The following NTNG1 variants were observed in gnomAD, a reference collection of about 807,000 sequenced individuals.
NTNG1 encodes netrin G1, also known as netrin-G1.
Under a neutral mutation model 54.0 loss-of-function variants are expected in NTNG1, and 16 were observed. The observed-to-expected ratio is 0.30, with a 90% CI of 0.20 to 0.45. NTNG1 has a LOEUF of 0.45. NTNG1 is among the 20% of genes least tolerant of loss of function. NTNG1 has a pLI of 1.00. For synonymous variants in NTNG1, 255 were observed against 263.1 expected (o/e 0.97, Z 0.30); for missense variants, 530 against 678.7 (o/e 0.78, Z 2.43).
chr1:107,466,806 C>T (rs1324436931), intron 7 of NTNG1, among the ~76,000 whole-genome samples: 1 of 152,122 alleles, frequency 6.6e-6, no homozygotes, highest in Non-Finnish European at 1.5e-5. Context: ...CATTTTTTGC[C>T]AGACTCTGAT....
At chr1:107,316,110 AATT>A (rs1381233340) in intron 2 of NTNG1, among the ~76,000 whole-genome samples, 3 of 152,148 alleles carry the variant, frequency 2.0e-5, no homozygotes, top group Non-Finnish European at 4.4e-5. Flanking sequence ...CAGAACCAAA[AATT>A]TAGAATTTCT....
intron 2 of NTNG1, among the ~76,000 whole-genome samples, chr1:107,298,833 A>G (rs4297325): frequency 0.99 from 150,344 of 152,286 alleles, 74,238 homozygotes; most frequent in Middle Eastern, 1. Context: ...AGGAATATGA[A>G]TTGTGATTCT....
intron 3 of NTNG1, among the ~76,000 whole-genome samples, chr1:107,327,417 A>C (rs780518715): frequency 2.0e-5 from 3 of 152,148 alleles, no homozygotes; most frequent in Non-Finnish European, 2.9e-5. Context: ...AGCTGATCTA[A>C]TTATTTTACT....
At chr1:107,219,521 G>A (rs1660202677) in intron 2 of NTNG1, among the ~76,000 whole-genome samples, 1 of 152,108 alleles carries the variant, frequency 6.6e-6, no homozygotes, top group African/African-American at 2.4e-5. Context: ...ATTGTTTTTG[G>A]TCCTTCTCAC....
intron 7 of NTNG1, among the ~76,000 whole-genome samples, chr1:107,463,454 C>T (rs1284584084): frequency 2.0e-5 from 3 of 151,278 alleles, no homozygotes; most frequent in African/African-American, 7.3e-5. Context: ...TCTTTACTGG[C>T]TGAATTGTCA....
chr1:107,327,537 GT>G (rs1668034256), intron 3 of NTNG1, among the ~76,000 whole-genome samples: 1 of 152,128 alleles, frequency 6.6e-6, no homozygotes. Flanking sequence ...AAGTTCTAAA[GT>G]TTCCCTTTCA....
intron 2 of NTNG1, among the ~76,000 whole-genome samples, chr1:107,160,100 A>C (rs1261646737): frequency 1.3e-5 from 2 of 152,172 alleles, no homozygotes; most frequent in Non-Finnish European, 2.9e-5. Flanking sequence ...CAGTATCAAT[A>C]ACAACTGTTA....
At chr1:107,417,426 A>G (rs1674290698) in intron 5 of NTNG1, among the ~76,000 whole-genome samples, 1 of 152,100 alleles carries the variant, frequency 6.6e-6, no homozygotes, top group African/African-American at 2.4e-5. Flanking sequence ...AAACAACATG[A>G]TAATACCTGT....
chr1:107,232,918 CTTTAT>C (rs1661168240), intron 2 of NTNG1, among the ~76,000 whole-genome samples: 1 of 152,162 alleles, frequency 6.6e-6, no homozygotes, highest in Admixed American at 6.5e-5. Flanking sequence ...AAATATTGGA[CTTTAT>C]TTTATTTAGG....
Position 107,187,681 on chromosome 1 carries a change from T to G in NTNG1, c.246+38842T>G, listed in dbSNP as rs148751264. On this transcript the variant is annotated intron_variant, in intron 2 of 7. Transcript: ENST00000370068. ...AAAGGACAACGAAGAGTTAACTCTG[T>G]ATCTGAGATACTAAATATCGCTACA... is the stretch of plus-strand genomic sequence containing the variant. Among the ~76,000 whole-genome samples the G allele has an allele frequency of 1.9e-3, 287 of 152,282 alleles. 2 individuals are homozygous for G. The highest frequency in any genetic ancestry group is 6.7e-3 in the African/African-American group (277 of 41,568).
intron 7 of NTNG1, among the ~76,000 whole-genome samples, chr1:107,440,026 A>G (rs1570966156): frequency 6.6e-6 from 1 of 151,754 alleles, no homozygotes; most frequent in East Asian, 1.9e-4. Flanking sequence ...CCACAGTATT[A>G]GTAGAAGAGC....
At chr1:107,411,037 AT>A (rs1673765113) in intron 5 of NTNG1, among the ~76,000 whole-genome samples, 1 of 152,136 alleles carries the variant, frequency 6.6e-6, no homozygotes, top group African/African-American at 2.4e-5. Context: ...AATAAATAGA[AT>A]TTTTTAAATA....
chr1:107,236,463 T>A, intron 2 of NTNG1, among the ~76,000 whole-genome samples: 1 of 152,032 alleles, frequency 6.6e-6, no homozygotes, highest in East Asian at 1.9e-4. Context: ...AGAGGCAAAG[T>A]GAAGTATACA....
At chr1:107,480,298 T>C (rs1184264099) in intron 7 of NTNG1, among the ~76,000 whole-genome samples, 1 of 152,200 alleles carries the variant, frequency 6.6e-6, no homozygotes, top group African/African-American at 2.4e-5. Flanking sequence ...CCCAGTTCCA[T>C]GAAGAAAAGA....
chr1:107,303,995 T>C (rs1243984770), intron 2 of NTNG1, among the ~76,000 whole-genome samples: 1 of 151,276 alleles, frequency 6.6e-6, no homozygotes, highest in Non-Finnish European at 1.5e-5. Flanking sequence ...CTAATGAGTG[T>C]TTTGAACCCC....
In NTNG1 at chr1:107,327,796, G is replaced by T. The variant is rs74403541; in HGVS notation, c.887+2874G>T. Among the ~76,000 whole-genome samples, 335 of 152,222 alleles carry T rather than the reference G, an allele frequency of 2.2e-3. 3 individuals carry two copies. Among genetic ancestry groups the T allele is most frequent in the African/African-American group, 7.6e-3 (314 of 41,552 alleles). ...AAACATCTATAGTATAGTGGACAGAGAATTCAAAATTTTTTTACCTTGAAA... is the reference window on the plus strand; with the variant it reads ...AAACATCTATAGTATAGTGGACAGATAATTCAAAATTTTTTTACCTTGAAA... On this transcript the variant is annotated intron_variant, in intron 3 of 7. Coordinates refer to ENST00000370068, the MANE Select transcript of NTNG1 (RefSeq NM_001113226.3).
rs547358973 is a variant in NTNG1, at chr1:107,165,021, G to T, written c.246+16182G>T. On this transcript the variant is annotated intron_variant, in intron 2 of 7. Coordinates refer to ENST00000370068, the MANE Select transcript of NTNG1 (RefSeq NM_001113226.3). ...GAGCAGGGATACGAGCCAGAGTGGG[G>T]TGAGTAGTTTGGCGGGAAGGGCGGT... Among the ~76,000 whole-genome samples the T allele has an allele frequency of 1.6e-4, 25 of 152,200 alleles. No individual in the cohort carries two copies. The South Asian group carries it at 5.0e-3, about 30-fold the overall frequency.
At chr1:107,216,909 C>T (rs545684507) in intron 2 of NTNG1, among the ~76,000 whole-genome samples, 1 of 152,060 alleles carries the variant, frequency 6.6e-6, no homozygotes, top group Admixed American at 6.5e-5. Flanking sequence ...GATCTCTTGA[C>T]CTCATGATCC....
At position 107,148,637 on chromosome 1, in the gene NTNG1, C is replaced by T. The variant is rs544477733; in HGVS notation, c.44C>T (p.Thr15Met). 46 of 1,612,808 alleles carry T rather than the reference C, an allele frequency of 2.9e-5. No individual in the cohort carries two copies. The East Asian group carries it at 4.9e-4, about 17-fold the overall frequency. ...RFLSIHALWVTVSSVMQPYPL... is the reference protein window; with the variant it reads ...RFLSIHALWVMVSSVMQPYPL... ...CTGTCGATTCATGCCCTTTGGGTTA[C>T]GGTGTCCTCAGTGATGCAGCCCTAC... Residue 15 changes from threonine to methionine, a missense_variant, in exon 2 of 8, where the codon ACG becomes ATG. Around this residue, in one of 2 missense-constraint regions of NTNG1, gnomAD observed 318 missense variants for 465.1 expected, o/e 0.68. Transcript: ENST00000370068.
Sources: allele counts gnomAD v4.1 joint callset (sites outside exome capture counted in the v4.1 genomes callset), GRCh38; gene constraint gnomAD v4.1.1; regional missense constraint gnomAD v4.1.1; transcripts MANE v1.5; gene names NCBI Gene and HGNC (gene_info 2026-07-23, HGNC 2026-07-21).